Variants in PRTFDC1 observed in about 807,000 individuals in gnomAD.
PRTFDC1 encodes the protein phosphoribosyltransferase domain-containing protein 1.
Under a neutral mutation model 34.6 loss-of-function variants are expected in PRTFDC1, and 38 were observed. The observed-to-expected ratio is 1.10, with a 90% CI of 0.85 to 1.44. PRTFDC1 has a LOEUF of 1.44. Among genes scored for constraint, PRTFDC1 ranks in the 40% most tolerant of loss-of-function variants. The probability of loss-of-function intolerance (pLI) is 0.00; values close to 1 mark genes in which losing one functional copy is unlikely to be tolerated. For synonymous variants in PRTFDC1, 93 were observed against 98.1 expected, an observed-to-expected ratio of 0.95 and a Z score of 0.31; for missense variants, 270 against 283.0, an observed-to-expected ratio of 0.95 and a Z score of 0.33.
chr10:24,904,177 G>A (rs1035557621), intron 3 of PRTFDC1, among the ~76,000 whole-genome samples: 1 of 151,888 alleles, frequency 6.6e-6, no homozygotes, highest in Non-Finnish European at 1.5e-5. Flanking sequence ...TTTATCTGAT[G>A]GGAACAAAGG....
chr10:24,889,296 A>G (rs1332198892), intron 3 of PRTFDC1, among the ~76,000 whole-genome samples: 1 of 152,030 alleles, frequency 6.6e-6, no homozygotes, highest in Non-Finnish European at 1.5e-5. Flanking sequence ...GGCCCTCACC[A>G]CACACTGAAT....
Position 24,952,449 on chromosome 10 carries a change from G to T in PRTFDC1, c.48+79C>A. 1 of 1,468,768 alleles carries T rather than the reference G, an allele frequency of 6.8e-7. No individual in the cohort carries two copies. The highest frequency in any genetic ancestry group is 9.3e-7 in the Non-Finnish European group (1 of 1,074,102). The allele number at this position is 1,468,768 out of a possible 1,614,324, so 91.0% of individuals were successfully genotyped here. A position where few individuals can be genotyped will look rare whatever the true frequency, so the allele number is the denominator to read the frequency against. ...GGCCCTCTCTCTCCCCCGACGCACG[G>T]CAAGCATTTAATCTACAAGCAGGGT... On this transcript the variant is annotated intron_variant, in intron 1 of 8. Coordinates refer to ENST00000320152, the MANE Select transcript of PRTFDC1 (RefSeq NM_020200.7). This position sits in a 1 kb window ranked among gnomAD's most constrained non-coding sequence, Gnocchi z 5.1.
chr10:24,884,998 C>A (rs1423138750), intron 3 of PRTFDC1, among the ~76,000 whole-genome samples: 4 of 152,234 alleles, frequency 2.6e-5, no homozygotes, highest in Non-Finnish European at 5.9e-5. Context: ...CCTGGGGGCC[C>A]TGTCTTCAAC....
intron 4 of PRTFDC1, 120 bp from the exon 5 acceptor site, chr10:24,858,529 A>G: frequency 2.0e-6 from 2 of 1,004,520 alleles, no homozygotes; most frequent in Non-Finnish European, 3.1e-6. Flanking sequence ...TTCCCCATCC[A>G]TCTAATTCAA....
intron 3 of PRTFDC1, among the ~76,000 whole-genome samples, chr10:24,912,746 G>A (rs1425180568): frequency 1.3e-5 from 2 of 151,608 alleles, no homozygotes; most frequent in African/African-American, 2.4e-5. Flanking sequence ...TCCAATCCTC[G>A]TGGCTGTAGC....
intron 3 of PRTFDC1, among the ~76,000 whole-genome samples, chr10:24,925,071 A>G (rs894305821): frequency 1.3e-5 from 2 of 152,226 alleles, no homozygotes; most frequent in African/African-American, 4.8e-5. Context: ...AACCAACTCA[A>G]ATGTCCATCA....
chr10:24,891,266 G>A (rs1216349670), intron 3 of PRTFDC1, among the ~76,000 whole-genome samples: 1 of 152,040 alleles, frequency 6.6e-6, no homozygotes, highest in Non-Finnish European at 1.5e-5. Context: ...CACTGAGTAT[G>A]GGTATATATC....
At position 24,851,484 on chromosome 10, in the gene PRTFDC1, GAAA is replaced by G; in HGVS notation, c.554-23_554-21del. 8.2e-7 allele frequency: 1 copy of G among 1,218,234 alleles called. No homozygotes were observed. The highest frequency in any genetic ancestry group is 2.5e-5 in the Admixed American group (1 of 40,406). The allele number at this position is 1,218,234 out of a possible 1,614,324, so 75.5% of individuals were successfully genotyped here. Reference sequence around the variant, plus strand: ...CAGCATCTTAGCAGACAGAGAAAGAGAAAAAAAAAAAGGAACAAAATTTAGATT... The same window carrying G: ...CAGCATCTTAGCAGACAGAGAAAGAGAAAAAAAAGGAACAAAATTTAGATT... On this transcript the variant is annotated intron_variant, in intron 7 of 8. Transcript: ENST00000320152.
At chr10:24,897,145 G>T (rs1479798836) in intron 3 of PRTFDC1, among the ~76,000 whole-genome samples, 1 of 152,162 alleles carries the variant, frequency 6.6e-6, no homozygotes, top group Non-Finnish European at 1.5e-5. Flanking sequence ...AGGAGTTTGA[G>T]GCTGCAGTGA....
chr10:24,852,727 G>T (rs993628698), intron 7 of PRTFDC1, among the ~76,000 whole-genome samples: 1 of 152,196 alleles, frequency 6.6e-6, no homozygotes, highest in East Asian at 1.9e-4. Context: ...TTACAGGTTT[G>T]TTTATTACAG....
At chr10:24,850,949 C>A (rs755703471) in intron 8 of PRTFDC1, among the ~76,000 whole-genome samples, 2 of 152,162 alleles carry the variant, frequency 1.3e-5, no homozygotes, top group Non-Finnish European at 2.9e-5. Context: ...GGGGTCCACA[C>A]TGGGGGTCCA....
At chr10:24,882,650 C>T (rs1848097425) in intron 3 of PRTFDC1, among the ~76,000 whole-genome samples, 1 of 151,900 alleles carries the variant, frequency 6.6e-6, no homozygotes, top group Non-Finnish European at 1.5e-5. Context: ...TCCTGAAAAG[C>T]CTCCTTAATA....
intron 4 of PRTFDC1, among the ~76,000 whole-genome samples, chr10:24,863,141 G>C (rs1038300924): frequency 3.3e-5 from 5 of 152,340 alleles, no homozygotes; most frequent in African/African-American, 1.2e-4. Flanking sequence ...GCCTCCCAAA[G>C]TGCTGGGATT....
chr10:24,926,063 C>T (rs1848868444), intron 3 of PRTFDC1, among the ~76,000 whole-genome samples: 1 of 152,168 alleles, frequency 6.6e-6, no homozygotes, highest in South Asian at 2.1e-4. Context: ...TGCCAGTCCA[C>T]CTCCTAGGGA....
chr10:24,920,311 G>A (rs867007880), intron 3 of PRTFDC1, among the ~76,000 whole-genome samples: 19 of 149,114 alleles, frequency 1.3e-4, no homozygotes, highest in African/African-American at 4.4e-4. Flanking sequence ...ATATATATAT[G>A]TGTGTGTATA....
intron 4 of PRTFDC1, among the ~76,000 whole-genome samples, chr10:24,862,645 T>A (rs1847700766): frequency 1.3e-5 from 2 of 152,020 alleles, no homozygotes; most frequent in Admixed American, 1.3e-4. Flanking sequence ...AAATTTCTCT[T>A]TATTGCACCT....
chr10:24,885,515 C>G (rs1236076781), intron 3 of PRTFDC1, among the ~76,000 whole-genome samples: 1 of 152,212 alleles, frequency 6.6e-6, no homozygotes, highest in Non-Finnish European at 1.5e-5. Flanking sequence ...AAGTGATTCT[C>G]CTGCCTCAGC....
chr10:24,870,832 G>A (rs959800198), intron 4 of PRTFDC1, among the ~76,000 whole-genome samples: 20 of 151,726 alleles, frequency 1.3e-4, no homozygotes, highest in African/African-American at 4.8e-4. Flanking sequence ...TCCACTTTGG[G>A]CAGCCGAAAC....
intron 3 of PRTFDC1, among the ~76,000 whole-genome samples, chr10:24,920,839 C>T (rs1163954387): frequency 6.6e-6 from 1 of 151,878 alleles, no homozygotes. Flanking sequence ...TTAAATTTAT[C>T]CATTAAAAGA....
Sources: gnomAD v4.1 joint callset for allele counts (sites outside exome capture counted in the v4.1 genomes callset) on GRCh38, gnomAD v4.1.1 for gene constraint, Gnocchi (gnomAD v3.1) non-coding constraint, MANE v1.5 for transcripts, NCBI Gene and HGNC (gene_info 2026-07-23, HGNC 2026-07-21) for gene names.